The following DIAPH3 variants were observed in gnomAD, a reference collection of about 807,000 sequenced individuals.
DIAPH3 encodes the protein diaphanous related formin 3, also known as protein diaphanous homolog 3.
DIAPH3 carries 117 observed loss-of-function variants against 144.3 expected under a neutral mutation model. That is an observed-to-expected ratio of 0.81 (90% CI 0.70 to 0.95). The LOEUF (loss-of-function observed/expected upper bound fraction) is 0.95, where lower values mean the gene tolerates loss of function less well. DIAPH3 is among the 40% of genes least tolerant of loss of function. The pLI is 0.00. For missense variants in DIAPH3, 1,421 were observed against 1,412.7 expected (o/e 1.01, Z -0.09); for synonymous variants, 519 against 488.9 (o/e 1.06, Z -0.81).
rs2058379928 is a variant in DIAPH3 at position 60,105,104 on chromosome 13, A to AAAAAAAC, written c.390+6905_390+6906insGTTTTTT. ...GACAAAGTGAGACACGATCTCAAAAAAAAAAAAAAAAAAAAAAAAAACTGC... is the reference window on the plus strand; with the variant it reads ...GACAAAGTGAGACACGATCTCAAAAAAAAAAACAAAAAAAAAAAAAAAAAAAAACTGC... On this transcript the variant is annotated intron_variant, in intron 3 of 27. Transcript: ENST00000400324. 1.1e-4 allele frequency among the ~76,000 whole-genome samples: 7 copies of AAAAAAAC among 66,368 alleles called. No individual in the cohort carries two copies. In the South Asian group the frequency reaches 2.7e-3, roughly 25 times the overall value. 43.5% of individuals were successfully genotyped at this position (66,368 alleles called of 152,430 possible).
intron 5 of DIAPH3, among the ~76,000 whole-genome samples, chr13:60,037,656 G>C (rs2055328584): frequency 6.6e-6 from 1 of 151,932 alleles, no homozygotes; most frequent in South Asian, 2.1e-4. Flanking sequence ...GGAAGAAGCA[G>C]AAAGAAGAAA....
At chr13:59,704,340 G>A (rs895748587) in intron 27 of DIAPH3, among the ~76,000 whole-genome samples, 10 of 152,156 alleles carry the variant, frequency 6.6e-5, no homozygotes, top group African/African-American at 2.4e-4. Context: ...CCTACAGACA[G>A]GTAGACTTTG....
chr13:60,050,508 A>T (rs1291973876), intron 4 of DIAPH3, among the ~76,000 whole-genome samples: 1 of 152,176 alleles, frequency 6.6e-6, no homozygotes, highest in Non-Finnish European at 1.5e-5. Flanking sequence ...CACATTTTCA[A>T]ATGCTTGTTA....
chr13:59,991,048 T>C lies in DIAPH3; in HGVS notation c.1361+110A>G, dbSNP rs552747387. ...AACAACACATTCTATGAATCAGTGT[T>C]ATGACAAAAATAAAAATCATTTGCT... On this transcript the variant is annotated intron_variant, in intron 12 of 27. Coordinates refer to ENST00000400324, the MANE Select transcript of DIAPH3 (RefSeq NM_001042517.2). 88 of 687,944 alleles carry C rather than the reference T, an allele frequency of 1.3e-4. No homozygotes were observed. The East Asian group carries it at 2.4e-3, about 19-fold the overall frequency. The allele number at this position is 687,944 out of a possible 1,614,324, so 42.6% of individuals were successfully genotyped here. A position where few individuals can be genotyped will look rare whatever the true frequency, so the allele number is the denominator to read the frequency against.
intron 4 of DIAPH3, among the ~76,000 whole-genome samples, chr13:60,059,095 ATATG>A (rs1397571609): frequency 4.0e-5 from 6 of 151,884 alleles, no homozygotes; most frequent in Non-Finnish European, 8.8e-5. Flanking sequence ...CATGTTCTAT[ATATG>A]TATTAGATGT....
intron 17 of DIAPH3, among the ~76,000 whole-genome samples, chr13:59,938,944 G>A (rs1047384239): frequency 2.0e-5 from 3 of 151,862 alleles, no homozygotes; most frequent in Admixed American, 6.6e-5. Context: ...TGGTTAAAAC[G>A]GTAAAATTTT....
intron 27 of DIAPH3, among the ~76,000 whole-genome samples, chr13:59,716,924 A>G (rs1399708307): frequency 1.3e-5 from 2 of 152,138 alleles, no homozygotes; most frequent in African/African-American, 4.8e-5. Flanking sequence ...TGATTCTGTA[A>G]CTACAATGAC....
chr13:59,776,976 T>C (rs1200995782), intron 25 of DIAPH3, among the ~76,000 whole-genome samples: 1 of 152,100 alleles, frequency 6.6e-6, no homozygotes, highest in Non-Finnish European at 1.5e-5. Context: ...TATAACACTA[T>C]AGTAGCATCA....
chr13:59,830,975 A>G (rs2041744124), intron 24 of DIAPH3, among the ~76,000 whole-genome samples: 2 of 151,838 alleles, frequency 1.3e-5, no homozygotes, highest in South Asian at 4.1e-4. Context: ...AGCATGACAT[A>G]ATGTTTAAGA....
chr13:59,889,564 T>C (rs1365601817), intron 20 of DIAPH3, among the ~76,000 whole-genome samples: 1 of 152,104 alleles, frequency 6.6e-6, no homozygotes, highest in East Asian at 1.9e-4. Flanking sequence ...TGTAGTATCC[T>C]TATTTTGTCT....
At chr13:59,969,713 A>G (rs958479759) in intron 17 of DIAPH3, among the ~76,000 whole-genome samples, 2 of 152,182 alleles carry the variant, frequency 1.3e-5, no homozygotes, top group African/African-American at 4.8e-5. Flanking sequence ...TTCAAAAATA[A>G]TATCATATAG....
rs1438160975 is a variant in DIAPH3 at position 59,971,144 on chromosome 13, G to T, written c.1667C>A (p.Ala556Asp). Residue 556 changes from alanine (A) to aspartate (D), a missense_variant, in exon 16 of 28, where the codon GCT becomes GAT. Ala to Asp is a moderately radical substitution (Grantham distance 126). Transcript: ENST00000400324. Reference protein sequence around the residue: ...AFKSQFGALPADCNIPLPPSK... With the variant: ...AFKSQFGALPDDCNIPLPPSK... ...GGGAGGCAAAGGAATATTACAATCAGCTGGCAAGGCACCAAACTGGAGAAA... is the reference window on the plus strand; with the variant it reads ...GGGAGGCAAAGGAATATTACAATCATCTGGCAAGGCACCAAACTGGAGAAA... 9 of 1,583,636 alleles carry T rather than the reference G, an allele frequency of 5.7e-6. No homozygotes were observed. The highest frequency in any genetic ancestry group is 7.7e-6 in the Non-Finnish European group (9 of 1,163,882).
intron 14 of DIAPH3, among the ~76,000 whole-genome samples, chr13:59,975,255 C>T (rs1268194799): frequency 6.6e-6 from 1 of 151,834 alleles, no homozygotes; most frequent in Admixed American, 6.6e-5. Context: ...AATGTGGCCT[C>T]CACATTTTAA....
chr13:59,804,912 G>A (rs895387863), intron 25 of DIAPH3, among the ~76,000 whole-genome samples: 8 of 152,236 alleles, frequency 5.3e-5, no homozygotes, highest in Admixed American at 2.6e-4. Flanking sequence ...GAGACATTCC[G>A]AAGTAGAATT....
intron 22 of DIAPH3, among the ~76,000 whole-genome samples, chr13:59,852,904 T>C (rs1018000055): frequency 5.3e-5 from 8 of 152,290 alleles, no homozygotes; most frequent in Admixed American, 5.2e-4. Flanking sequence ...GTGCCAACAA[T>C]AAATAATCAC....
chr13:59,896,957 A>C (rs2046137753), intron 20 of DIAPH3, among the ~76,000 whole-genome samples: 1 of 152,160 alleles, frequency 6.6e-6, no homozygotes, highest in Admixed American at 6.5e-5. Flanking sequence ...CAACCCCTAT[A>C]TGGCATCCCC....
At chr13:60,035,463 G>T (rs188334641) in intron 5 of DIAPH3, among the ~76,000 whole-genome samples, 3 of 152,304 alleles carry the variant, frequency 2.0e-5, no homozygotes, top group Non-Finnish European at 2.9e-5. Context: ...GACTGTGAAA[G>T]CATGAGAAAG....
chr13:59,772,232 A>T (rs1010261515), intron 27 of DIAPH3, among the ~76,000 whole-genome samples: 1 of 152,094 alleles, frequency 6.6e-6, no homozygotes, highest in African/African-American at 2.4e-5. Flanking sequence ...CATTTTCCTT[A>T]ACCAAATCCT....
intron 22 of DIAPH3, among the ~76,000 whole-genome samples, chr13:59,848,345 T>A (rs547911611): frequency 7.0e-6 from 1 of 143,390 alleles, no homozygotes; most frequent in East Asian, 2.0e-4. Flanking sequence ...CTTTAAGTTT[T>A]AGGGTACATG....
Sources: allele counts gnomAD v4.1 joint callset (sites outside exome capture counted in the v4.1 genomes callset), GRCh38; gene constraint gnomAD v4.1.1; transcripts MANE v1.5; gene names NCBI Gene and HGNC (gene_info 2026-07-23, HGNC 2026-07-21).